The following CERS5 variants were observed in gnomAD, a reference collection of about 807,000 sequenced individuals.
CERS5 encodes the protein LAG1 homolog, ceramide synthase 5.
In CERS5, 37 loss-of-function variants were observed where a neutral mutation model predicts 58.9. The observed-to-expected ratio is 0.63, with a 90% CI of 0.48 to 0.83. The LOEUF (loss-of-function observed/expected upper bound fraction) is 0.83, where lower values mean the gene tolerates loss of function less well. CERS5 is among the 40% of genes least tolerant of loss of function. CERS5 has a pLI of 0.00. For missense variants in CERS5, 398 were observed against 489.3 expected, an observed-to-expected ratio of 0.81 and a Z score of 1.76; for synonymous variants, 147 against 177.8, an observed-to-expected ratio of 0.83 and a Z score of 1.38.
intron 1 of CERS5, among the ~76,000 whole-genome samples, chr12:50,153,249 T>A (rs938656577): frequency 4.8e-5 from 7 of 146,478 alleles, no homozygotes; most frequent in Non-Finnish European, 9.0e-5. Flanking sequence ...AGATTGGTTA[T>A]AATGAGATAA....
At chr12:50,159,190 G>C (rs368971843) in intron 1 of CERS5, among the ~76,000 whole-genome samples, 75 of 152,024 alleles carry the variant, frequency 4.9e-4, no homozygotes, top group Middle Eastern at 3.4e-3. Context: ...GTGTGGTGGC[G>C]GGCGCCTGTA....
rs566665294 is a variant in CERS5, at chr12:50,155,625, T to C, written c.197+11476A>G. On this transcript the variant is annotated intron_variant, in intron 1 of 9. Coordinates refer to ENST00000317551, the MANE Select transcript of CERS5 (RefSeq NM_147190.5). ...GGTGGCAGGCGCCTGTAGTCACAGC[T>C]ACTCGGGAGGCTGAGGCAGGAGAAT... Among the ~76,000 whole-genome samples the C allele has an allele frequency of 9.3e-5, 14 of 150,806 alleles. No homozygotes were observed. The East Asian group carries it at 2.5e-3, about 27-fold the overall frequency.
chr12:50,133,901 G>A (rs755792916), intron 9 of CERS5: 19 of 266,722 alleles, frequency 7.1e-5, no homozygotes, highest in Non-Finnish European at 9.8e-5. Context: ...GTGAAACCCC[G>A]TTTCTACTAA....
intron 1 of CERS5, among the ~76,000 whole-genome samples, chr12:50,161,712 G>A (rs1202335742): frequency 2.1e-5 from 3 of 143,290 alleles, no homozygotes; most frequent in Non-Finnish European, 4.5e-5. Context: ...GGGAAGCAGA[G>A]GCTGCAATGA....
intron 1 of CERS5, among the ~76,000 whole-genome samples, chr12:50,160,873 G>T (rs952618911): frequency 1.2e-4 from 19 of 152,150 alleles, no homozygotes; most frequent in African/African-American, 4.3e-4. Context: ...GTAACAGTGG[G>T]TAGCCTGAGT....
intron 1 of CERS5, among the ~76,000 whole-genome samples, chr12:50,152,925 C>T (rs1036762805): frequency 6.6e-6 from 1 of 151,816 alleles, no homozygotes; most frequent in Admixed American, 6.6e-5. Flanking sequence ...TAAATATTAG[C>T]CAGGCGTGGT....
intron 3 of CERS5, 48 bp downstream of exon 3, chr12:50,143,026 G>A: frequency 6.5e-7 from 1 of 1,547,772 alleles, no homozygotes; most frequent in East Asian, 2.3e-5. Flanking sequence ...CAGTCCAGTT[G>A]TATCCCACCG....
intron 1 of CERS5, among the ~76,000 whole-genome samples, chr12:50,147,694 A>G (rs1952370426): frequency 6.6e-6 from 1 of 152,200 alleles, no homozygotes; most frequent in Non-Finnish European, 1.5e-5. Context: ...GCTGCCAGAT[A>G]TTTTCAAAAA....
intron 1 of CERS5, among the ~76,000 whole-genome samples, chr12:50,157,497 G>A (rs943123168): frequency 6.6e-6 from 1 of 151,780 alleles, no homozygotes; most frequent in Non-Finnish European, 1.5e-5. Flanking sequence ...CACTGCATTA[G>A]ATACCTACAG....
chr12:50,135,674 TG>T lies in CERS5; in HGVS notation c.872+57del, dbSNP rs748334780. On this transcript the variant is annotated intron_variant, in intron 8 of 9. Transcript: ENST00000317551. ...AAAACTGAATGGGCAAAATGAGAAT[TG>T]GCAAAAAGGTATCATTAGGCTCATA... 4.8e-6 allele frequency: 6 copies of T among 1,239,394 alleles called. No individual in the cohort carries two copies. In the African/African-American group the frequency reaches 8.9e-5, roughly 18 times the overall value. The allele number at this position is 1,239,394 out of a possible 1,614,324, so 76.8% of individuals were successfully genotyped here. A position where few individuals can be genotyped will look rare whatever the true frequency, so the allele number is the denominator to read the frequency against.
chr12:50,147,151 C>A (rs1952327120), intron 1 of CERS5, among the ~76,000 whole-genome samples: 1 of 151,966 alleles, frequency 6.6e-6, no homozygotes, highest in Admixed American at 6.6e-5. Context: ...TGCCTGTAAT[C>A]CCAGCACTTT....
chr12:50,152,691 G>C (rs762383720), intron 1 of CERS5, among the ~76,000 whole-genome samples: 4 of 152,066 alleles, frequency 2.6e-5, no homozygotes, highest in Non-Finnish European at 5.9e-5. Flanking sequence ...AAACTAAGTC[G>C]CTTTTTCCAT....
chr12:50,166,916 A>G (rs983197926), intron 1 of CERS5, among the ~76,000 whole-genome samples, 185 bp downstream of exon 1: 3 of 151,924 alleles, frequency 2.0e-5, no homozygotes, highest in Non-Finnish European at 4.4e-5. Context: ...CCACGCCCCA[A>G]ACTCCTTCTC....
chr12:50,130,647 T>G lies in CERS5; in HGVS notation c.1077A>C (p.Glu359Asp). ...RSDVESSSEE[E>D]DVTTCTKSPC... ...GACTTTTTGTGCAGGTGGTCACATCTTCTTCCTCTGAGCTGCTCTCCACAT... is the reference window on the plus strand; with the variant it reads ...GACTTTTTGTGCAGGTGGTCACATCGTCTTCCTCTGAGCTGCTCTCCACAT... The change falls in exon 10 of 10, where the codon GAA becomes GAC. Residue 359 changes from glutamate to aspartate, a missense_variant. Glu to Asp is a conservative substitution (Grantham distance 45). This residue lies in a region of CERS5 where 47 missense variants were observed against 50.2 expected (regional missense o/e 0.94). Coordinates refer to ENST00000317551, the MANE Select transcript of CERS5 (RefSeq NM_147190.5). 1 of 1,612,012 alleles carries G rather than the reference T, an allele frequency of 6.2e-7. No homozygotes were observed.
intron 4 of CERS5, among the ~76,000 whole-genome samples, chr12:50,139,683 C>CT: frequency 6.6e-6 from 1 of 152,126 alleles, no homozygotes; most frequent in South Asian, 2.1e-4. Context: ...GTCCCAGCTA[C>CT]TAGGAAGGCT....
At chr12:50,139,520 G>A (rs775125941) in intron 4 of CERS5, among the ~76,000 whole-genome samples, 4 of 151,460 alleles carry the variant, frequency 2.6e-5, no homozygotes, top group African/African-American at 7.3e-5. Flanking sequence ...CAGGCCAGGC[G>A]TGGTGGCTCA....
In CERS5 at chr12:50,130,572, C is replaced by T; in HGVS notation, c.1152G>A (p.Met384Ile). 2 of 1,611,040 alleles carry T rather than the reference C, an allele frequency of 1.2e-6. No homozygotes were observed. Among genetic ancestry groups the T allele is most frequent in the South Asian group, 1.1e-5 (1 of 90,980 alleles). Residue 384 changes from methionine to isoleucine, a missense_variant, in exon 10 of 10, where the codon ATG (methionine) becomes ATA (isoleucine). Met to Ile is a conservative substitution (Grantham distance 10). This residue lies in a region of CERS5 where 47 missense variants were observed against 50.2 expected (regional missense o/e 0.94). Coordinates refer to ENST00000317551, the MANE Select transcript of CERS5 (RefSeq NM_147190.5). ...ACTCTTCAGCCCAGTAGCTGCCTCC[C>T]ATGTGACCATTCACCCGATTGGCAC... ...SNGANRVNGH[M>I]GGSYWAEE
intron 1 of CERS5, among the ~76,000 whole-genome samples, chr12:50,162,905 CTCTT>C (rs1484358996): frequency 1.3e-5 from 2 of 151,832 alleles, no homozygotes; most frequent in South Asian, 2.1e-4. Flanking sequence ...TGCCTGGCCT[CTCTT>C]TCTTTAAGAG....
chr12:50,138,303 G>T (rs1444964717), intron 5 of CERS5, among the ~76,000 whole-genome samples: 2 of 151,884 alleles, frequency 1.3e-5, no homozygotes, highest in Non-Finnish European at 2.9e-5. Flanking sequence ...AGCCCAATTA[G>T]GGGGAATTAA....
Sources: allele counts gnomAD v4.1 joint callset (sites outside exome capture counted in the v4.1 genomes callset), GRCh38; gene constraint gnomAD v4.1.1; regional missense constraint gnomAD v4.1.1; transcripts MANE v1.5; gene names NCBI Gene and HGNC (gene_info 2026-07-23, HGNC 2026-07-21).